The following SPG11 variants were observed in gnomAD, a reference collection of about 807,000 sequenced individuals.
SPG11 encodes SPG11 vesicle trafficking associated, spatacsin, also known as spatacsin.
Under a neutral mutation model 274.0 loss-of-function variants are expected in SPG11, and 222 were observed. The observed-to-expected ratio is 0.81, with a 90% confidence interval of 0.73 to 0.91. The LOEUF is 0.91. Ranked by LOEUF, SPG11 falls within the 40% of genes least tolerant of loss-of-function variation. SPG11 has a pLI of 0.00. For synonymous variants in SPG11, 1,144 were observed against 1,039.7 expected (o/e 1.10, Z -1.93); for missense variants, 3,114 against 2,872.7 (o/e 1.08, Z -1.92).
intron 8 of SPG11, among the ~76,000 whole-genome samples, chr15:44,632,102 C>T (rs901068779): frequency 1.3e-5 from 2 of 152,236 alleles, no homozygotes; most frequent in Middle Eastern, 3.4e-3. Context: ...AGCCACTGCA[C>T]CTGGCCTACA....
At chr15:44,585,287 A>G in intron 29 of SPG11, among the ~76,000 whole-genome samples, 1 of 152,120 alleles carries the variant, frequency 6.6e-6, no homozygotes. Flanking sequence ...AAGATTTTAA[A>G]TAACTTAAAA....
At chr15:44,585,459 G>A (rs567622445) in intron 29 of SPG11, among the ~76,000 whole-genome samples, 177 bp downstream of exon 29, 15 of 146,536 alleles carry the variant, frequency 1.0e-4, no homozygotes, top group South Asian at 2.2e-4. Context: ...AAATTCAGCC[G>A]GGCATGGTGG....
intron 2 of SPG11, among the ~76,000 whole-genome samples, chr15:44,659,598 C>CT (rs147938728): frequency 7.0e-4 from 106 of 152,060 alleles, no homozygotes; most frequent in African/African-American, 2.5e-3. Context: ...AAGACTTTTT[C>CT]TTTTTTTAAA....
intron 32 of SPG11, 121 bp downstream of exon 32, chr15:44,573,426 G>A: frequency 9.7e-7 from 1 of 1,034,076 alleles, no homozygotes; most frequent in Non-Finnish European, 1.5e-6. Context: ...ATACATTACT[G>A]CAATCCAGAA....
chr15:44,565,749 CCTGGTTCTGTCACTAG>C, intron 38 of SPG11, 89 bp downstream of exon 38: 1 of 1,399,256 alleles, frequency 7.1e-7, no homozygotes, highest in Non-Finnish European at 1.0e-6. Context: ...ACTGTACTGT[CCTGGTTCTGTCACTAG>C]CCCTGAGACC....
chr15:44,595,283 G>C lies in SPG11; in HGVS notation c.4611C>G (p.Ile1537Met). Reference sequence around the variant, plus strand: ...CCTTAAAGAAAAGCTGGAAACCTCTGATGAGAGTTTTGCTCTTTTGTCTTG... The same window carrying C: ...CCTTAAAGAAAAGCTGGAAACCTCTCATGAGAGTTTTGCTCTTTTGTCTTG... Reference protein sequence around the residue: ...LLTRQKSKTLIRGFQLFFKDS... With the variant: ...LLTRQKSKTLMRGFQLFFKDS... Residue 1537 changes from isoleucine (I) to methionine (M), a missense_variant, in exon 26 of 40, where the codon ATC (isoleucine) becomes ATG (methionine). Transcript: ENST00000261866. 6.2e-7 allele frequency: 1 copy of C among 1,614,216 alleles called. No individual in the cohort carries two copies. The highest frequency in any genetic ancestry group is 8.5e-7 in the Non-Finnish European group (1 of 1,180,030).
At chr15:44,602,316 C>CT (rs2083213288) in intron 20 of SPG11, among the ~76,000 whole-genome samples, 1 of 152,134 alleles carries the variant, frequency 6.6e-6, no homozygotes, top group Non-Finnish European at 1.5e-5. Context: ...AAGCTTTCAA[C>CT]TTTTCACTGC....
Position 44,567,518 on chromosome 15 carries a change from C to T in SPG11, c.6660G>A (p.Met2220Ile), listed in dbSNP as rs763092541. 10 of 1,613,938 alleles carry T rather than the reference C, an allele frequency of 6.2e-6. No individual in the cohort carries two copies. Among genetic ancestry groups the T allele is most frequent in the South Asian group, 1.1e-5 (1 of 91,082 alleles). Reference protein sequence around the residue: ...CRPGDSEKHNMIALCFSMCRE... With the variant: ...CRPGDSEKHNIIALCFSMCRE... ...GGCACATGCTGAAGCACAGGGCAAT[C>T]ATATTGTGCTTTTCACTGTCTCCAG... Residue 2220 changes from methionine (M) to isoleucine (I), a missense_variant, in exon 36 of 40, where the codon ATG becomes ATA. Met to Ile is a conservative substitution (Grantham distance 10, BLOSUM62 1). Coordinates refer to ENST00000261866, the MANE Select transcript of SPG11 (RefSeq NM_025137.4).
chr15:44,566,390 T>A (rs753176177), intron 36 of SPG11, 85 bp from the exon 37 acceptor site: 1 of 1,345,398 alleles, frequency 7.4e-7, no homozygotes, highest in East Asian at 2.4e-5. Flanking sequence ...GTGGCTAGAA[T>A]AGAAACATCC....
intron 16 of SPG11, among the ~76,000 whole-genome samples, chr15:44,614,516 G>C (rs1307831932): frequency 6.6e-6 from 1 of 152,214 alleles, no homozygotes; most frequent in Non-Finnish European, 1.5e-5. Flanking sequence ...GAGCCACCGT[G>C]CCCGGCCAAT....
chr15:44,585,597 G>C, intron 29 of SPG11, 39 bp downstream of exon 29: 3 of 1,418,254 alleles, frequency 2.1e-6, no homozygotes, highest in Non-Finnish European at 2.9e-6. Flanking sequence ...GCAAGACCCC[G>C]TATCTAAAAA....
chr15:44,663,518 G>A lies in SPG11; in HGVS notation c.130C>T (p.Arg44Trp), dbSNP rs1304995096. ...TCCGGCTGTGTGCGCAGCTGCGCCCGGGAGCCGAGCTGCCCCATCGCCTCG... is the reference window on the plus strand; with the variant it reads ...TCCGGCTGTGTGCGCAGCTGCGCCCAGGAGCCGAGCTGCCCCATCGCCTCG... ...PAEAMGQLGS[R>W]AQLRTQPEAL... The change falls in exon 1 of 40, where the codon CGG becomes TGG. Residue 44 changes from arginine to tryptophan, a missense_variant. Physicochemically the swap from Arg to Trp is moderately radical, Grantham distance 101. Transcript: ENST00000261866. 1.0e-5 allele frequency: 16 copies of A among 1,596,684 alleles called. No homozygotes were observed. The highest frequency in any genetic ancestry group is 1.4e-5 in the Non-Finnish European group (16 of 1,172,674).
Position 44,589,283 on chromosome 15 carries a change from G to C in SPG11, c.4875C>G (p.Leu1625=), listed in dbSNP as rs751776468. ...AGAAGAGATGCTCTCTTTCAACAAA[G>C]AGCTGTAAAAGCTTCCCCAGCTCAT... is the stretch of plus-strand genomic sequence containing the variant. ...TQYELGKLLQ[L]FVEREHLFSD... The change falls in exon 28 of 40, where the codon CTC becomes CTG. Residue 1625 remains leucine (L), a synonymous_variant. Transcript: ENST00000261866. 5.0e-6 allele frequency: 8 copies of C among 1,614,082 alleles called. No individual in the cohort carries two copies. Among genetic ancestry groups the C allele is most frequent in the Non-Finnish European group, 5.9e-6 (7 of 1,179,994 alleles).
At chr15:44,645,474 T>TG (rs2084579290) in intron 7 of SPG11, among the ~76,000 whole-genome samples, 1 of 152,134 alleles carries the variant, frequency 6.6e-6, no homozygotes, top group Admixed American at 6.6e-5. Flanking sequence ...AACTCAAGTT[T>TG]GATTAAAGAC....
chr15:44,637,515 T>TGTTAGCCAGG (rs2084313146), intron 7 of SPG11, among the ~76,000 whole-genome samples: 1 of 152,124 alleles, frequency 6.6e-6, no homozygotes. Context: ...GGGTTTGGCA[T>TGTTAGCCAGG]GTTAGCCAGG....
At chr15:44,616,115 A>G (rs1363413545) in intron 15 of SPG11, among the ~76,000 whole-genome samples, 3 of 152,130 alleles carry the variant, frequency 2.0e-5, no homozygotes, top group African/African-American at 7.2e-5. Context: ...ATAGAACATT[A>G]TAAGCCCTTG....
At chr15:44,599,330 G>A (rs1057473527) in intron 21 of SPG11, among the ~76,000 whole-genome samples, 7 of 151,896 alleles carry the variant, frequency 4.6e-5, no homozygotes, top group Admixed American at 1.3e-4. Context: ...ATGGAGTCTC[G>A]TTTTGTAGCC....
chr15:44,606,560 A>G lies in SPG11; in HGVS notation c.3454-469T>C, dbSNP rs185000453. ...TGTGATGAGCAACAACATGAACAAC[A>G]AAGAAAAAATAGCGGACCAAGGTGA... On this transcript the variant is annotated intron_variant, in intron 19 of 39. Coordinates refer to ENST00000261866, the MANE Select transcript of SPG11 (RefSeq NM_025137.4). 2.6e-5 allele frequency among the ~76,000 whole-genome samples: 4 copies of G among 152,356 alleles called. No individual in the cohort carries two copies. In the East Asian group the frequency reaches 7.7e-4, roughly 29 times the overall value.
chr15:44,623,963 T>C (rs1004325566), intron 11 of SPG11, among the ~76,000 whole-genome samples: 2 of 152,034 alleles, frequency 1.3e-5, no homozygotes, highest in Admixed American at 6.6e-5. Context: ...ATTTACCACG[T>C]TGGCCAGACT....
Sources: allele counts gnomAD v4.1 joint callset (sites outside exome capture counted in the v4.1 genomes callset), GRCh38; gene constraint gnomAD v4.1.1; transcripts MANE v1.5; gene names NCBI Gene and HGNC (gene_info 2026-07-23, HGNC 2026-07-21).